The following DAB1 variants were observed in gnomAD, a reference collection of about 807,000 sequenced individuals.
The protein encoded by DAB1 is disabled homolog 1.
In DAB1, 15 loss-of-function variants were observed where a neutral mutation model predicts 64.6. The observed-to-expected ratio is 0.23, with a 90% CI of 0.16 to 0.36. The LOEUF is 0.36. DAB1 is among the 10% of genes least tolerant of loss of function. DAB1 has a pLI of 1.00. For missense variants in DAB1, 596 were observed against 706.7 expected (o/e 0.84, Z 1.78); for synonymous variants, 235 against 251.9 (o/e 0.93, Z 0.64).
chr1:57,816,267 T>A (rs1396701800), intron 6 of DAB1, among the ~76,000 whole-genome samples: 2 of 152,222 alleles, frequency 1.3e-5, no homozygotes, highest in African/African-American at 2.4e-5. Flanking sequence ...AGGTGACCTC[T>A]AAGGTTCCAT....
chr1:58,371,469 T>G (rs989410782), intron 3 of DAB1, among the ~76,000 whole-genome samples: 3 of 152,296 alleles, frequency 2.0e-5, no homozygotes, highest in Admixed American at 2.0e-4. Context: ...AGCAGAAAAG[T>G]TTGGCAAATA....
At chr1:57,017,769 A>C (rs1487252473) in intron 11 of DAB1, among the ~76,000 whole-genome samples, 1 of 152,188 alleles carries the variant, frequency 6.6e-6, no homozygotes, top group Non-Finnish European at 1.5e-5. Flanking sequence ...GAAATTTCAA[A>C]CGTGAAGCTT....
At chr1:57,367,041 CACAAAATAAAATAAA>C (rs1680059348) in intron 1 of DAB1, among the ~76,000 whole-genome samples, 2 of 91,278 alleles carry the variant, frequency 2.2e-5, no homozygotes, top group Admixed American at 2.2e-4. Flanking sequence ...ACCCTGTCTC[CACAAAATAAAATAAA>C]ATAAAATAAA....
chr1:58,140,850 C>G (rs1654243606), intron 5 of DAB1, among the ~76,000 whole-genome samples: 2 of 152,298 alleles, frequency 1.3e-5, no homozygotes, highest in South Asian at 4.2e-4. Context: ...TTAAGTACAA[C>G]TCTTGCAGGA....
At chr1:58,352,728 A>C (rs1644070424) in intron 3 of DAB1, among the ~76,000 whole-genome samples, 1 of 152,168 alleles carries the variant, frequency 6.6e-6, no homozygotes, top group African/African-American at 2.4e-5. Context: ...TTGAAATCCT[A>C]ACCCCTAAAG....
At chr1:57,249,141 G>A (rs1044363596) in intron 2 of DAB1, among the ~76,000 whole-genome samples, 2 of 152,060 alleles carry the variant, frequency 1.3e-5, no homozygotes, top group South Asian at 2.1e-4. Context: ...AGGAACTTAC[G>A]TTCTAGCCAA....
intron 6 of DAB1, among the ~76,000 whole-genome samples, chr1:57,684,858 C>A (rs3131758): frequency 0.74 from 111,738 of 152,010 alleles, 41,952 homozygotes; most frequent in East Asian, 0.93. Flanking sequence ...CTGCTGTTTC[C>A]CATGTAATTA....
At chr1:58,043,852 C>T (rs1010141722) in intron 5 of DAB1, among the ~76,000 whole-genome samples, 7 of 152,060 alleles carry the variant, frequency 4.6e-5, no homozygotes, top group African/African-American at 1.2e-4. Flanking sequence ...CTCAGCCTCC[C>T]GAGTAGCTGG....
chr1:57,825,512 G>T (rs1318091571), downstream of DAB1, among the ~76,000 whole-genome samples: 1 of 152,182 alleles, frequency 6.6e-6, no homozygotes, highest in Admixed American at 6.5e-5. Flanking sequence ...TTCTATAAAA[G>T]ATGAAGGATC....
chr1:58,166,407 T>C (rs1333248427), intron 4 of DAB1, among the ~76,000 whole-genome samples: 1 of 152,214 alleles, frequency 6.6e-6, no homozygotes, highest in Non-Finnish European at 1.5e-5. Flanking sequence ...CAAATAGAAT[T>C]GTATGTGATG....
chr1:58,104,966 A>G (rs1651546402), intron 5 of DAB1, among the ~76,000 whole-genome samples: 1 of 152,230 alleles, frequency 6.6e-6, no homozygotes, highest in Non-Finnish European at 1.5e-5. Flanking sequence ...GCTACAAACC[A>G]TGACCCCAAA....
At chr1:58,106,889 C>A (rs1267875155) in intron 5 of DAB1, among the ~76,000 whole-genome samples, 1 of 124,540 alleles carries the variant, frequency 8.0e-6, no homozygotes, top group Non-Finnish European at 1.6e-5. Context: ...TTTCTCCTTC[C>A]CTTCCTCTCT....
intron 2 of DAB1, among the ~76,000 whole-genome samples, chr1:57,154,905 A>G (rs951728541): frequency 5.3e-5 from 8 of 152,082 alleles, no homozygotes. Context: ...ATTTTTTCCT[A>G]TGGAGTTGTT....
intron 7 of DAB1, among the ~76,000 whole-genome samples, chr1:57,563,030 T>C (rs1363805514): frequency 6.6e-6 from 1 of 152,132 alleles, no homozygotes; most frequent in African/African-American, 2.4e-5. Context: ...AATGGGAAAC[T>C]ACAGCAGCCC....
At chr1:58,182,877 G>T (rs972697742) in intron 4 of DAB1, among the ~76,000 whole-genome samples, 2 of 151,376 alleles carry the variant, frequency 1.3e-5, no homozygotes, top group African/African-American at 2.4e-5. Flanking sequence ...TGTTTTTTTT[G>T]TTGTTGTTGT....
chr1:58,544,391 A>T (rs1470131573), intron 1 of DAB1, among the ~76,000 whole-genome samples: 1 of 152,228 alleles, frequency 6.6e-6, no homozygotes, highest in African/African-American at 2.4e-5. Flanking sequence ...AATAGTAATG[A>T]GAAAATATGC....
intron 7 of DAB1, among the ~76,000 whole-genome samples, chr1:57,554,987 A>AAACATTCAT (rs1377908562): frequency 6.6e-6 from 1 of 151,790 alleles, no homozygotes; most frequent in Non-Finnish European, 1.5e-5. Context: ...TATTTACATA[A>AAACATTCAT]AACATTCATG....
At chr1:57,121,362 A>C (rs1656646503) in intron 4 of DAB1, among the ~76,000 whole-genome samples, 2 of 151,888 alleles carry the variant, frequency 1.3e-5, no homozygotes, top group Admixed American at 6.6e-5. Flanking sequence ...GGAAATATGT[A>C]AAAGTACCCT....
Position 57,648,637 on chromosome 1 carries a change from A to G in DAB1, n.625+955T>C, listed in dbSNP as rs140608470. Among the ~76,000 whole-genome samples, 309 of 152,306 alleles carry G rather than the reference A, an allele frequency of 2.0e-3. 1 individual carries two copies. The highest frequency in any genetic ancestry group is 0.01 in the Middle Eastern group (3 of 294). On this transcript the variant is annotated intron_variant and non_coding_transcript_variant, in intron 7 of 20. Transcript: ENST00000485760. ...CCTTCTCCAGTCCTGTTGTTCCCCA[A>G]GGTCCCATAACAAATAGCTCCCACT... is the stretch of plus-strand genomic sequence containing the variant.
Sources: allele counts gnomAD v4.1 joint callset (sites outside exome capture counted in the v4.1 genomes callset), GRCh38; gene constraint gnomAD v4.1.1; transcripts MANE v1.5; gene names NCBI Gene and HGNC (gene_info 2026-07-23, HGNC 2026-07-21).